PTBP3: variants seen among roughly 807,000 people sequenced by gnomAD.
PTBP3 encodes polypyrimidine tract binding protein 3.
A neutral mutation model predicts 58.7 loss-of-function variants in PTBP3; 20 were observed. The ratio of observed to expected loss-of-function variants is 0.34; its 90% confidence interval spans 0.24 to 0.50. The LOEUF (loss-of-function observed/expected upper bound fraction) is 0.50. Ranked by LOEUF, PTBP3 falls within the 20% of genes least tolerant of loss-of-function variation. The pLI is 0.98. For missense variants in PTBP3, 509 were observed against 637.2 expected (o/e 0.80, Z 2.17); for synonymous variants, 185 against 219.8 (o/e 0.84, Z 1.40).
the PTBP3 span, among the ~76,000 whole-genome samples, chr9:112,360,909 CTT>C: frequency 6.6e-6 from 1 of 152,100 alleles, no homozygotes; most frequent in Non-Finnish European, 1.5e-5. Context: ...AAATTACACA[CTT>C]TAAAAAATGG....
At chr9:112,368,720 G>C in the PTBP3 span, among the ~76,000 whole-genome samples, 1 of 152,174 alleles carries the variant, frequency 6.6e-6, no homozygotes, top group Non-Finnish European at 1.5e-5. Flanking sequence ...TTTGGGCCAG[G>C]GGAGATGAAA....
chr9:112,275,415 G>C (rs1037537897), intron 3 of PTBP3, among the ~76,000 whole-genome samples: 1 of 152,094 alleles, frequency 6.6e-6, no homozygotes, highest in Non-Finnish European at 1.5e-5. Flanking sequence ...GATTACAGGC[G>C]TGAGCCACTG....
At chr9:112,333,330 C>A (rs1409701791) in intron 1 of PTBP3, 140 bp downstream of exon 1, 7 of 1,084,336 alleles carry the variant, frequency 6.5e-6, no homozygotes, top group Non-Finnish European at 8.4e-6. Context: ...CCGGAAGCCC[C>A]GCCGTCGGGC....
At chr9:112,258,824 A>G (rs1273659728) in intron 5 of PTBP3, among the ~76,000 whole-genome samples, 2 of 152,216 alleles carry the variant, frequency 1.3e-5, no homozygotes, top group African/African-American at 4.8e-5. Context: ...TGGGTAACAT[A>G]GCAAGACCCT....
chr9:112,352,577 G>A, the PTBP3 span, among the ~76,000 whole-genome samples: 2 of 152,294 alleles, frequency 1.3e-5, no homozygotes, highest in East Asian at 1.9e-4. Context: ...ACCCCAGGGT[G>A]TATTTCTTAA....
At chr9:112,281,233 T>A in intron 2 of PTBP3, 1 of 208,084 alleles carries the variant, frequency 4.8e-6, no homozygotes, top group East Asian at 1.1e-4. Context: ...ACTTTCATGC[T>A]AACTGGCTGA....
chr9:112,374,097 T>A, the PTBP3 span, among the ~76,000 whole-genome samples: 1 of 152,158 alleles, frequency 6.6e-6, no homozygotes. Context: ...CGGGGTATGG[T>A]AACACTGAGA....
At chr9:112,262,722 G>C in intron 4 of PTBP3, 123 bp from the exon 5 acceptor site, 1 of 811,824 alleles carries the variant, frequency 1.2e-6, no homozygotes, top group Non-Finnish European at 1.7e-6. Context: ...TATCTACTCC[G>C]TCTGGAGATA....
At chr9:112,330,129 C>G (rs1830310601) in intron 1 of PTBP3, among the ~76,000 whole-genome samples, 1 of 152,160 alleles carries the variant, frequency 6.6e-6, no homozygotes, top group Admixed American at 6.5e-5. Flanking sequence ...GCTGGGATTA[C>G]AGGTGTGAGC....
intron 2 of PTBP3, among the ~76,000 whole-genome samples, chr9:112,284,493 C>T (rs1030479023): frequency 6.6e-6 from 1 of 152,090 alleles, no homozygotes; most frequent in South Asian, 2.1e-4. Context: ...GCTGGGAGTT[C>T]GAGACCAGCC....
At chr9:112,238,966 G>A (rs923599418) in intron 7 of PTBP3, among the ~76,000 whole-genome samples, 2 of 152,094 alleles carry the variant, frequency 1.3e-5, no homozygotes, top group African/African-American at 4.8e-5. Context: ...GTTGCAAGAA[G>A]GAATGAAAAG....
At chr9:112,307,332 T>C (rs932940643) in intron 1 of PTBP3, among the ~76,000 whole-genome samples, 11 of 152,048 alleles carry the variant, frequency 7.2e-5, no homozygotes, top group Admixed American at 3.9e-4. Context: ...CACACACCTG[T>C]AGTCCCAGCT....
At chr9:112,274,120 G>A (rs951442239) in intron 3 of PTBP3, among the ~76,000 whole-genome samples, 1 of 152,074 alleles carries the variant, frequency 6.6e-6, no homozygotes. Flanking sequence ...GTCTCCAAAG[G>A]ATTTAAGACA....
At chr9:112,293,027 T>C (rs981772224) in intron 2 of PTBP3, among the ~76,000 whole-genome samples, 2 of 151,850 alleles carry the variant, frequency 1.3e-5, no homozygotes, top group African/African-American at 4.8e-5. Context: ...ACTGATACAA[T>C]AAAATACTAT....
chr9:112,220,785 T>A lies in PTBP3; in HGVS notation c.*3066A>T, dbSNP rs1834780158. On this transcript the variant is annotated 3_prime_UTR_variant, in exon 14 of 14. Coordinates refer to ENST00000374257, the MANE Select transcript of PTBP3 (RefSeq NM_001163788.4). ...TGGTGTAATTCGCTACTGTTAAATG[T>A]GTACTGCTATTTTTTAAAGTCCTGA... 1.0e-6 allele frequency: 1 copy of A among 982,078 alleles called. No individual in the cohort carries two copies. Among genetic ancestry groups the A allele is most frequent in the African/African-American group, 1.8e-5 (1 of 57,140 alleles). 60.8% of individuals were successfully genotyped at this position (982,078 alleles called of 1,614,324 possible).
the PTBP3 span, among the ~76,000 whole-genome samples, chr9:112,353,537 C>T: frequency 1.3e-5 from 2 of 151,838 alleles, no homozygotes; most frequent in African/African-American, 2.4e-5. Context: ...TGAGCCACCG[C>T]GCCTGGCCTC....
chr9:112,266,279 T>C (rs1481859230), intron 4 of PTBP3, among the ~76,000 whole-genome samples: 1 of 152,206 alleles, frequency 6.6e-6, no homozygotes, highest in Non-Finnish European at 1.5e-5. Context: ...ATGTATATTT[T>C]ACTACAATAA....
intron 5 of PTBP3, among the ~76,000 whole-genome samples, chr9:112,256,720 G>C (rs1051723807): frequency 8.6e-5 from 13 of 151,730 alleles, no homozygotes; most frequent in Non-Finnish European, 1.6e-4. Flanking sequence ...ATGGGGTCTC[G>C]CTACCTTACC....
intron 2 of PTBP3, among the ~76,000 whole-genome samples, chr9:112,284,999 G>A (rs1828046533): frequency 1.3e-5 from 2 of 151,508 alleles, no homozygotes; most frequent in African/African-American, 4.9e-5. Context: ...ATTGTTGGGA[G>A]GCATGATTGG....
Sources: gnomAD v4.1 joint callset for allele counts (sites outside exome capture counted in the v4.1 genomes callset) on GRCh38, gnomAD v4.1.1 for gene constraint, MANE v1.5 for transcripts, NCBI Gene and HGNC (gene_info 2026-07-23, HGNC 2026-07-21) for gene names.